The following KDM2A variants were observed in gnomAD, a reference collection of about 807,000 sequenced individuals.
KDM2A encodes lysine demethylase 2A, also known as lysine-specific demethylase 2A.
A neutral mutation model predicts 137.3 loss-of-function variants in KDM2A; 3 were observed. The observed-to-expected ratio is 0.02, with a 90% CI of 0.01 to 0.06. The LOEUF is 0.06. Among genes scored for constraint, KDM2A ranks in the 10% least tolerant of loss-of-function variants. The probability of loss-of-function intolerance (pLI) is 1.00; values close to 1 mark genes in which losing one functional copy is unlikely to be tolerated. For synonymous variants in KDM2A, 512 were observed against 541.5 expected, an observed-to-expected ratio of 0.95 and a Z score of 0.76; for missense variants, 738 against 1,510.6, an observed-to-expected ratio of 0.49 and a Z score of 8.48.
chr11:67,158,946 A>G (rs1856578629), intron 2 of KDM2A, among the ~76,000 whole-genome samples: 1 of 152,044 alleles, frequency 6.6e-6, no homozygotes, highest in Non-Finnish European at 1.5e-5. Flanking sequence ...TGTTTTGCGC[A>G]TTTCTCCCAG....
intron 16 of KDM2A, among the ~76,000 whole-genome samples, chr11:67,249,632 C>G (rs1590828488): frequency 6.6e-6 from 1 of 152,276 alleles, no homozygotes; most frequent in African/African-American, 2.4e-5. Context: ...CAGAGAGGTT[C>G]TTGTTATCTG....
In KDM2A at chr11:67,245,260, A is replaced by G. The variant is rs1336215400; in HGVS notation, c.1635A>G (p.Pro545=). 3.1e-6 allele frequency: 5 copies of G among 1,613,920 alleles called. No individual in the cohort carries two copies. Among genetic ancestry groups the G allele is most frequent in the African/African-American group, 2.7e-5 (2 of 74,934 alleles). The change falls in exon 14 of 21, where the codon CCA becomes CCG. Residue 545 remains proline (P), a synonymous_variant. Coordinates refer to ENST00000529006, the MANE Select transcript of KDM2A (RefSeq NM_012308.3). The surrounding 1 kb of genome is among the most constrained non-coding windows in gnomAD (Gnocchi z 4.1). ...TTACGAAGCCTCACACTATGAAACCAGCTCCACGGTTAACACCTGTGAGGC... is the reference window on the plus strand; with the variant it reads ...TTACGAAGCCTCACACTATGAAACCGGCTCCACGGTTAACACCTGTGAGGC... The part of the protein sequence containing the change: ...IPITKPHTMK[P]APRLTPVRPA...
intron 2 of KDM2A, among the ~76,000 whole-genome samples, chr11:67,137,905 C>G (rs1344303606): frequency 6.6e-6 from 1 of 152,106 alleles, no homozygotes; most frequent in Non-Finnish European, 1.5e-5. Context: ...TCAAGTGATT[C>G]TTCTGCCTCA....
At chr11:67,167,755 T>A (rs1197683004) in intron 2 of KDM2A, among the ~76,000 whole-genome samples, 1 of 152,200 alleles carries the variant, frequency 6.6e-6, no homozygotes, top group Non-Finnish European at 1.5e-5. Context: ...TGGAAACTGT[T>A]CTATGTACTG....
rs752283155 is a variant in KDM2A at position 67,252,707 on chromosome 11, A to C, written c.2782A>C (p.Arg928=). ...CTTCTATCACAGGTGCTGCGACAAG[A>C]GACTTTGGACAAAAATTGACTTGAG... ...KTWYKWCCDK[R]LWTKIDLSRC... is the part of the protein sequence containing the mutation. Residue 928 remains arginine, a synonymous_variant, in exon 18 of 21, where the codon AGA becomes CGA. Coordinates refer to ENST00000529006, the MANE Select transcript of KDM2A (RefSeq NM_012308.3). 6.2e-7 allele frequency: 1 copy of C among 1,613,970 alleles called. No individual in the cohort carries two copies.
chr11:67,184,139 C>A (rs1343336403), intron 5 of KDM2A, among the ~76,000 whole-genome samples: 1 of 150,008 alleles, frequency 6.7e-6, no homozygotes, highest in Non-Finnish European at 1.5e-5. Context: ...GTTGTTGTTG[C>A]ATCTTCTCCT....
intron 2 of KDM2A, among the ~76,000 whole-genome samples, chr11:67,166,113 C>G (rs1185251675): frequency 1.3e-5 from 2 of 151,318 alleles, no homozygotes; most frequent in African/African-American, 4.9e-5. Context: ...ATTTGTATTT[C>G]AGTAGGTGTT....
chr11:67,170,160 C>T (rs1255744183), intron 2 of KDM2A, among the ~76,000 whole-genome samples: 1 of 152,068 alleles, frequency 6.6e-6, no homozygotes, highest in Non-Finnish European at 1.5e-5. Flanking sequence ...CGAGTTCAAA[C>T]ACCTTGTGAT....
At chr11:67,162,391 TTTTTA>T (rs1856654672) in intron 2 of KDM2A, among the ~76,000 whole-genome samples, 4 of 152,096 alleles carry the variant, frequency 2.6e-5, no homozygotes, top group Admixed American at 2.6e-4. Context: ...GTAGATATGA[TTTTTA>T]TTTTATTTTA....
chr11:67,167,847 A>G (rs1019556647), intron 2 of KDM2A, among the ~76,000 whole-genome samples: 1 of 152,210 alleles, frequency 6.6e-6, no homozygotes, highest in Non-Finnish European at 1.5e-5. Flanking sequence ...CTTTTCAGCC[A>G]TGTTAATTTA....
At chr11:67,174,358 C>G (rs1175899147) in intron 2 of KDM2A, among the ~76,000 whole-genome samples, 1 of 152,224 alleles carries the variant, frequency 6.6e-6, no homozygotes, top group Non-Finnish European at 1.5e-5. Flanking sequence ...TGAATATTCT[C>G]TGCTCAAAAG....
At chr11:67,157,025 G>A (rs922743239) in intron 2 of KDM2A, among the ~76,000 whole-genome samples, 1 of 151,600 alleles carries the variant, frequency 6.6e-6, no homozygotes, top group Non-Finnish European at 1.5e-5. Flanking sequence ...TTAAAAGCTG[G>A]CTAATTGGCT....
Position 67,207,706 on chromosome 11 carries a change from C to T in KDM2A, c.486+18C>T, listed in dbSNP as rs1211940993. 1.9e-6 allele frequency: 3 copies of T among 1,566,504 alleles called. No individual in the cohort carries two copies. In the Admixed American group the frequency reaches 5.4e-5, roughly 28 times the overall value. On this transcript the variant is annotated intron_variant, in intron 6 of 20. Coordinates refer to ENST00000529006, the MANE Select transcript of KDM2A (RefSeq NM_012308.3). Reference sequence around the variant, plus strand: ...CCTCCACGGTTAGTGTAATCATTTTCTTCATATTGTCATTGTCACCAAAAG... The same window carrying T: ...CCTCCACGGTTAGTGTAATCATTTTTTTCATATTGTCATTGTCACCAAAAG...
chr11:67,227,991 C>G, intron 10 of KDM2A, 46 bp from the exon 11 acceptor site: 3 of 1,578,954 alleles, frequency 1.9e-6, no homozygotes, highest in Non-Finnish European at 2.6e-6. Context: ...GTTGTACTCT[C>G]TTTCCTTGAA....
At chr11:67,191,276 C>G (rs182721667) in intron 5 of KDM2A, among the ~76,000 whole-genome samples, 1 of 152,064 alleles carries the variant, frequency 6.6e-6, no homozygotes, top group East Asian at 1.9e-4. Flanking sequence ...CTGCTCGCCT[C>G]GGCCTCCCAA....
intron 2 of KDM2A, among the ~76,000 whole-genome samples, chr11:67,125,753 T>C (rs1855707031): frequency 7.0e-6 from 1 of 143,210 alleles, no homozygotes; most frequent in Admixed American, 7.2e-5. Context: ...CACTCCAGCC[T>C]GGGCGACAGA....
At chr11:67,132,487 T>C (rs1855876173) in intron 2 of KDM2A, among the ~76,000 whole-genome samples, 1 of 152,026 alleles carries the variant, frequency 6.6e-6, no homozygotes, top group Non-Finnish European at 1.5e-5. Flanking sequence ...GTCTCAACTA[T>C]TATTGGCCAG....
intron 2 of KDM2A, among the ~76,000 whole-genome samples, chr11:67,122,800 C>T (rs977439583): frequency 3.3e-5 from 5 of 151,752 alleles, no homozygotes; most frequent in Admixed American, 3.3e-4. Context: ...CTCAGCCTCC[C>T]GAGTAGCTGG....
chr11:67,238,524 G>A (rs1214011234), intron 12 of KDM2A, among the ~76,000 whole-genome samples: 1 of 152,146 alleles, frequency 6.6e-6, no homozygotes, highest in Non-Finnish European at 1.5e-5. Context: ...AGAAGTTTAG[G>A]GTTAGGATGA....
Sources: gnomAD v4.1 joint callset for allele counts (sites outside exome capture counted in the v4.1 genomes callset) on GRCh38, gnomAD v4.1.1 for gene constraint, Gnocchi (gnomAD v3.1) non-coding constraint, MANE v1.5 for transcripts, NCBI Gene and HGNC (gene_info 2026-07-23, HGNC 2026-07-21) for gene names.